The following OIT3 variants were observed in gnomAD, a reference collection of about 807,000 sequenced individuals.
OIT3 encodes oncoprotein induced transcript 3, also known as oncoprotein-induced transcript 3 protein.
Under a neutral mutation model 52.2 loss-of-function variants are expected in OIT3, and 41 were observed. The observed-to-expected ratio is 0.79, with a 90% CI of 0.61 to 1.02. The LOEUF (loss-of-function observed/expected upper bound fraction) is 1.02, where lower values mean the gene tolerates loss of function less well. OIT3 is among the 50% of genes least tolerant of loss of function. OIT3 has a pLI of 0.00. For synonymous variants in OIT3, 244 were observed against 276.9 expected (o/e 0.88, Z 1.18); for missense variants, 634 against 715.5 (o/e 0.89, Z 1.30).
intron 1 of OIT3, among the ~76,000 whole-genome samples, chr10:72,895,571 A>G (rs1255635164): frequency 6.6e-6 from 1 of 152,186 alleles, no homozygotes; most frequent in East Asian, 1.9e-4. Flanking sequence ...ATGGAAGAGG[A>G]TGGAGCAGGA....
chr10:72,919,367 C>T (rs1419188455), intron 6 of OIT3, among the ~76,000 whole-genome samples: 1 of 152,144 alleles, frequency 6.6e-6, no homozygotes, highest in Admixed American at 6.5e-5. Context: ...ATAGGGTTTT[C>T]TAGATATGGA....
intron 3 of OIT3, among the ~76,000 whole-genome samples, chr10:72,900,917 A>C (rs1337099649): frequency 2.6e-5 from 4 of 151,978 alleles, no homozygotes; most frequent in African/African-American, 7.3e-5. Flanking sequence ...AAAATATGAA[A>C]ATTATGTGGG....
At chr10:72,901,271 T>A (rs1845932731) in intron 3 of OIT3, among the ~76,000 whole-genome samples, 1 of 152,182 alleles carries the variant, frequency 6.6e-6, no homozygotes, top group Non-Finnish European at 1.5e-5. Context: ...TAGAATTATC[T>A]AAGGACTTAC....
chr10:72,895,876 G>GA (rs1343122944), intron 1 of OIT3, among the ~76,000 whole-genome samples: 3 of 152,164 alleles, frequency 2.0e-5, no homozygotes, highest in African/African-American at 7.2e-5. Context: ...ATTTTAGGAT[G>GA]AATGTGCGCA....
Position 72,898,801 on chromosome 10 carries a change from G to A in OIT3, c.199G>A (p.Gly67Arg), listed in dbSNP as rs746741911. ...GEWYHFTGMA[G>R]DAMPTFCIPE... ...GTGGTACCACTTCACGGGCATGGCG[G>A]GAGATGCCATGCCTACCTTCTGCAT... is the stretch of plus-strand genomic sequence containing the variant. The change falls in exon 2 of 9, where the codon GGA becomes AGA. Residue 67 changes from glycine (G) to arginine (R), a missense_variant. Gly to Arg is a moderately radical substitution (Grantham distance 125). Transcript: ENST00000334011. The A allele has an allele frequency of 4.3e-6, 7 of 1,613,886 alleles. No homozygotes were observed. Among genetic ancestry groups the A allele is most frequent in the Non-Finnish European group, 5.9e-6 (7 of 1,179,894 alleles).
At chr10:72,906,537 G>T (rs1278461493) in intron 3 of OIT3, 59 bp from the exon 4 acceptor site, 1 of 1,602,494 alleles carries the variant, frequency 6.2e-7, no homozygotes, top group Non-Finnish European at 8.5e-7. Context: ...CTGCCCGGGG[G>T]GTTGGGAAAA....
At chr10:72,901,215 A>G (rs1325781750) in intron 3 of OIT3, among the ~76,000 whole-genome samples, 1 of 152,158 alleles carries the variant, frequency 6.6e-6, no homozygotes, top group Non-Finnish European at 1.5e-5. Context: ...AAAATTTTAA[A>G]TATGTAATTT....
At chr10:72,900,254 C>T (rs578140019) in intron 2 of OIT3, 123 bp from the exon 3 acceptor site, 168 of 608,528 alleles carry the variant, frequency 2.8e-4, no homozygotes, top group African/African-American at 4.8e-4. Flanking sequence ...CCCAGGGGTT[C>T]GAGGCCAGCC....
chr10:72,917,954 T>A (rs1846087534), intron 6 of OIT3: 10 of 894,506 alleles, frequency 1.1e-5, no homozygotes, highest in African/African-American at 3.3e-5. Flanking sequence ...TCACTGGTGC[T>A]TTTTCTTCAG....
chr10:72,905,364 G>A (rs1489365503), intron 3 of OIT3, among the ~76,000 whole-genome samples: 2 of 152,150 alleles, frequency 1.3e-5, no homozygotes, highest in South Asian at 2.1e-4. Flanking sequence ...CCAGCTACTC[G>A]GAAGTCTGAG....
intron 6 of OIT3, chr10:72,918,252 G>T: frequency 1.2e-6 from 1 of 813,560 alleles, no homozygotes; most frequent in Non-Finnish European, 2.2e-6. Flanking sequence ...CACTGGGGGT[G>T]TTATTTCAAA....
At position 72,895,855 on chromosome 10, in the gene OIT3, T is replaced by C. The variant is rs140624119; in HGVS notation, c.61+1996T>C. Among the ~76,000 whole-genome samples the C allele has an allele frequency of 3.1e-3, 476 of 152,266 alleles. 19 individuals carry two copies. The East Asian group carries it at 0.08, about 26-fold the overall frequency. On this transcript the variant is annotated intron_variant, in intron 1 of 8. Transcript: ENST00000334011. Reference sequence around the variant, plus strand: ...TTTTTGAAGCCTTCGCACTGAGATGTATAGATCAGCATTTTAGGATGAATG... The same window carrying C: ...TTTTTGAAGCCTTCGCACTGAGATGCATAGATCAGCATTTTAGGATGAATG...
At chr10:72,912,818 G>A (rs771397488) in intron 5 of OIT3, among the ~76,000 whole-genome samples, 1 of 152,074 alleles carries the variant, frequency 6.6e-6, no homozygotes, top group Non-Finnish European at 1.5e-5. Context: ...AGAGTTTATG[G>A]TTTCCTGAGC....
chr10:72,921,320 T>C (rs1846119428), intron 6 of OIT3, among the ~76,000 whole-genome samples: 1 of 152,226 alleles, frequency 6.6e-6, no homozygotes, highest in Non-Finnish European at 1.5e-5. Context: ...TATTTTTGCA[T>C]GTGAGATGGA....
At chr10:72,905,465 T>C (rs1271287337) in intron 3 of OIT3, among the ~76,000 whole-genome samples, 4 of 150,112 alleles carry the variant, frequency 2.7e-5, no homozygotes, top group Non-Finnish European at 5.9e-5. Context: ...AGGCTCCGTC[T>C]CAAAAAAAAA....
At chr10:72,901,374 A>G (rs1006778732) in intron 3 of OIT3, among the ~76,000 whole-genome samples, 4 of 152,166 alleles carry the variant, frequency 2.6e-5, no homozygotes, top group African/African-American at 4.8e-5. Context: ...CTTGAATTTT[A>G]TATTATGTTG....
intron 6 of OIT3, among the ~76,000 whole-genome samples, chr10:72,916,098 C>G (rs967559807): frequency 2.6e-5 from 4 of 152,172 alleles, no homozygotes; most frequent in Admixed American, 2.6e-4. Context: ...TCATCGCACT[C>G]ATCCCTTCCT....
At chr10:72,901,496 T>C (rs1845934775) in intron 3 of OIT3, among the ~76,000 whole-genome samples, 1 of 152,158 alleles carries the variant, frequency 6.6e-6, no homozygotes, top group Non-Finnish European at 1.5e-5. Context: ...TTAAAACAAG[T>C]CTAGAGAGAA....
At chr10:72,913,239 T>A in intron 5 of OIT3, 69 bp from the exon 6 acceptor site, 1 of 1,322,448 alleles carries the variant, frequency 7.6e-7, no homozygotes, top group Non-Finnish European at 1.0e-6. Flanking sequence ...AGGGTGAAAT[T>A]ATTTCTCCTA....
Sources: gnomAD v4.1 joint callset for allele counts (sites outside exome capture counted in the v4.1 genomes callset) on GRCh38, gnomAD v4.1.1 for gene constraint, MANE v1.5 for transcripts, NCBI Gene and HGNC (gene_info 2026-07-23, HGNC 2026-07-21) for gene names.